SUN2: variants seen among roughly 807,000 people sequenced by gnomAD.
The protein encoded by SUN2 is Sad1 and UNC84 domain containing 2.
A neutral mutation model predicts 100.0 loss-of-function variants in SUN2; 60 were observed. That is an observed-to-expected ratio of 0.60 (90% CI 0.49 to 0.74). The LOEUF (loss-of-function observed/expected upper bound fraction) is 0.74. SUN2 is among the 30% of genes least tolerant of loss of function. SUN2 has a pLI of 0.00. For missense variants in SUN2, 834 were observed against 954.6 expected (o/e 0.87, Z 1.66); for synonymous variants, 367 against 403.3 (o/e 0.91, Z 1.08).
chr22:38,740,560 C>A lies in SUN2; in HGVS notation c.1191-128G>T. 9.4e-7 allele frequency: 1 copy of A among 1,068,196 alleles called. No homozygotes were observed. Among genetic ancestry groups the A allele is most frequent in the Non-Finnish European group, 1.3e-6 (1 of 775,902 alleles). The allele number at this position is 1,068,196 out of a possible 1,614,324, so 66.2% of individuals were successfully genotyped here. On this transcript the variant is annotated intron_variant, in intron 11 of 17. Coordinates refer to ENST00000689035, the MANE Select transcript of SUN2 (RefSeq NM_015374.3). This position sits in a 1 kb window ranked among gnomAD's most constrained non-coding sequence, Gnocchi z 4.8. ...CGGGTGCCCAGCACTCATTGTGAACCTGAGAAGGGGCAAGGCCTCTCCTGG... is the reference window on the plus strand; with the variant it reads ...CGGGTGCCCAGCACTCATTGTGAACATGAGAAGGGGCAAGGCCTCTCCTGG...
chr22:38,754,680 C>A, intron 1 of SUN2: 1 of 1,288,668 alleles, frequency 7.8e-7, no homozygotes. Flanking sequence ...CTCCTCTTAG[C>A]CTCTGTCCTG....
rs747859160 is a variant in SUN2 at position 38,752,482 on chromosome 22, C to T, written c.122+25G>A. 1.0e-5 allele frequency: 16 copies of T among 1,590,044 alleles called. No homozygotes were observed. The African/African-American group carries it at 1.2e-4, about 12-fold the overall frequency. On this transcript the variant is annotated intron_variant, in intron 2 of 17. Transcript: ENST00000689035. ...CAAAAGCTTGTGGGGCTGTCAGGGG[C>T]CGTGGCACTCCCTTGGGTCCCTACC...
chr22:38,755,822 G>A lies in SUN2; in HGVS notation c.-97C>T. The A allele has an allele frequency of 1.0e-6, 1 of 983,600 alleles. No homozygotes were observed. Among genetic ancestry groups the A allele is most frequent in the Non-Finnish European group, 1.2e-6 (1 of 829,264 alleles). 60.9% of individuals were successfully genotyped at this position (983,600 alleles called of 1,614,324 possible). A position where few individuals can be genotyped will look rare whatever the true frequency, so the allele number is the denominator to read the frequency against. ...CGTCCGAGGCCAGGCCGCCGCCGGG[G>A]CGCGCCCCCTTTCCGCGTGGGGATC... On this transcript the variant is annotated 5_prime_UTR_variant, in exon 1 of 18. Coordinates refer to ENST00000689035, the MANE Select transcript of SUN2 (RefSeq NM_015374.3). This position sits in a 1 kb window ranked among gnomAD's most constrained non-coding sequence, Gnocchi z 5.7.
In SUN2 at chr22:38,735,655, C is replaced by T. The variant is rs73417423; in HGVS notation, c.*612G>A. 6,473 of 169,340 alleles carry T rather than the reference C, an allele frequency of 0.038. 473 individuals are homozygous for T. Among genetic ancestry groups the T allele is most frequent in the African/African-American group, 0.15 (6,151 of 41,754 alleles). The allele number at this position is 169,340 out of a possible 1,614,324, so 10.5% of individuals were successfully genotyped here. A position where few individuals can be genotyped will look rare whatever the true frequency, so the allele number is the denominator to read the frequency against. ...CTTTAGGGCACAAGAAGCCCCATGGCCCACTGCTACCCTCCCCGGGACAAA... is the reference window on the plus strand; with the variant it reads ...CTTTAGGGCACAAGAAGCCCCATGGTCCACTGCTACCCTCCCCGGGACAAA... On this transcript the variant is annotated 3_prime_UTR_variant, in exon 18 of 18. Coordinates refer to ENST00000689035, the MANE Select transcript of SUN2 (RefSeq NM_015374.3).
At position 38,740,140 on chromosome 22, in the gene SUN2, C is replaced by T; in HGVS notation, c.1356+127G>A. On this transcript the variant is annotated intron_variant, in intron 12 of 17. Transcript: ENST00000689035. This position sits in a 1 kb window ranked among gnomAD's most constrained non-coding sequence, Gnocchi z 4.8. ...AGTGAGAGCCCACATGTGTCAAGGC[C>T]AACGCCACAGTCTCTTGGGCATAAC... is the stretch of plus-strand genomic sequence containing the variant. The T allele has an allele frequency of 3.0e-6, 4 of 1,333,992 alleles. No individual in the cohort carries two copies. The highest frequency in any genetic ancestry group is 4.0e-6 in the Non-Finnish European group (4 of 1,002,786). 82.6% of individuals were successfully genotyped at this position (1,333,992 alleles called of 1,614,324 possible). A position where few individuals can be genotyped will look rare whatever the true frequency, so the allele number is the denominator to read the frequency against.
At chr22:38,744,942 C>A in intron 8 of SUN2, 1 of 422,990 alleles carries the variant, frequency 2.4e-6, no homozygotes, top group Non-Finnish European at 4.9e-6. Context: ...GCCACCATCC[C>A]TCACTCCTCC....
intron 6 of SUN2, among the ~76,000 whole-genome samples, chr22:38,749,211 G>A (rs2092925527): frequency 6.6e-6 from 1 of 152,208 alleles, no homozygotes; most frequent in South Asian, 2.1e-4. Context: ...ACGGCCAGAG[G>A]GATCCTGACT....
rs1239976618 is a variant in SUN2, at chr22:38,740,450, AG to A, written c.1191-19del. 4 of 1,469,254 alleles carry A rather than the reference AG, an allele frequency of 2.7e-6. No individual in the cohort carries two copies. The South Asian group carries it at 5.5e-5, about 20-fold the overall frequency. The allele number at this position is 1,469,254 out of a possible 1,614,324, so 91.0% of individuals were successfully genotyped here. ...GGGTCATGCTGGTCCCAGAGAGAGA[AG>A]AGTAAGCCTCGGATCTCTTTGGTGG... is the stretch of plus-strand genomic sequence containing the variant. On this transcript the variant is annotated intron_variant, in intron 11 of 17. Coordinates refer to ENST00000689035, the MANE Select transcript of SUN2 (RefSeq NM_015374.3). The surrounding 1 kb of genome is among the most constrained non-coding windows in gnomAD (Gnocchi z 4.8).
At position 38,740,623 on chromosome 22, in the gene SUN2, C is replaced by G. The variant is rs2092848540; in HGVS notation, c.1191-191G>C. ...CAGAACCCCTGCCTGTCCCAAGGAG[C>G]TAATTCTGAGCCTGCTCCCTTTCTA... On this transcript the variant is annotated intron_variant, in intron 11 of 17. Coordinates refer to ENST00000689035, the MANE Select transcript of SUN2 (RefSeq NM_015374.3). This position sits in a 1 kb window ranked among gnomAD's most constrained non-coding sequence, Gnocchi z 4.8. The G allele has an allele frequency of 1.7e-6, 1 of 600,428 alleles. No homozygotes were observed. The highest frequency in any genetic ancestry group is 3.0e-5 in the East Asian group (1 of 33,872). The allele number at this position is 600,428 out of a possible 1,614,324, so 37.2% of individuals were successfully genotyped here.
At position 38,749,517 on chromosome 22, in the gene SUN2, GAAGA is replaced by G. The variant is rs1203216335; in HGVS notation, c.614+245_614+248del. ...GTGGCGTTTAGTAGAATGTGTCCAA[GAAGA>G]AATAATCTGTGCTCTGGAATCCTGC... On this transcript the variant is annotated intron_variant, in intron 6 of 17. Coordinates refer to ENST00000689035, the MANE Select transcript of SUN2 (RefSeq NM_015374.3). 2.0e-5 allele frequency among the ~76,000 whole-genome samples: 3 copies of G among 152,194 alleles called. No individual in the cohort carries two copies. In the East Asian group the frequency reaches 5.8e-4, roughly 29 times the overall value.
chr22:38,749,791 G>A lies in SUN2; in HGVS notation c.589C>T (p.Leu197Phe), dbSNP rs2092930185. The A allele has an allele frequency of 6.2e-7, 1 of 1,614,146 alleles. No individual in the cohort carries two copies. Among genetic ancestry groups the A allele is most frequent in the African/African-American group, 1.3e-5 (1 of 75,068 alleles). ...TWYRLTTAAS[L>F]LDVFVLTRRF... ...CTGGTTAAAACGAAGACGTCAAGGA[G>A]GGAGGCAGCTGTGGTCAGGCGGTAC... The change falls in exon 6 of 18, where the codon CTC becomes TTC. Residue 197 changes from leucine (L) to phenylalanine (F), a missense_variant. Leu to Phe is a conservative substitution (Grantham distance 22, BLOSUM62 0). Coordinates refer to ENST00000689035, the MANE Select transcript of SUN2 (RefSeq NM_015374.3).
In SUN2 at chr22:38,734,966, A is replaced by G. The variant is rs9835; in HGVS notation, c.*1301T>C. 0.38 allele frequency: 100,723 copies of G among 265,788 alleles called. 20,352 individuals are homozygous for G. Among genetic ancestry groups the G allele is most frequent in the African/African-American group, 0.53 (23,169 of 43,886 alleles). The allele number at this position is 265,788 out of a possible 1,614,324, so 16.5% of individuals were successfully genotyped here. A position where few individuals can be genotyped will look rare whatever the true frequency, so the allele number is the denominator to read the frequency against. The stretch of plus-strand genomic sequence containing the variant: ...GCCTTCTTGCCCCTTCCCCGCAGCC[A>G]GACCACCAGACACAGCCGGAACCAG... On this transcript the variant is annotated 3_prime_UTR_variant, in exon 18 of 18. Coordinates refer to ENST00000689035, the MANE Select transcript of SUN2 (RefSeq NM_015374.3).
chr22:38,736,305 T>G lies in SUN2; in HGVS notation c.2116A>C (p.Ile706Leu). ...TCCCCATGCACTCTGAAGCGGTAGA[T>G]GCAGGTGTACTCGGGGTGGCCCCAG... ...TNWGHPEYTC[I>L]YRFRVHGEPA... The change falls in exon 18 of 18, where the codon ATC (isoleucine) becomes CTC (leucine). Residue 706 changes from isoleucine (I) to leucine (L), a missense_variant. By Grantham distance (5) the Ile-to-Leu change is conservative (BLOSUM62 2). Around this residue, in one of 3 missense-constraint regions of SUN2, gnomAD observed 80 missense variants for 76.7 expected, o/e 1.04. Transcript: ENST00000689035. 4.3e-6 allele frequency: 7 copies of G among 1,614,014 alleles called. No individual in the cohort carries two copies. Among genetic ancestry groups the G allele is most frequent in the Non-Finnish European group, 5.9e-6 (7 of 1,179,928 alleles).
intron 9 of SUN2, 132 bp downstream of exon 9, chr22:38,742,163 AAAAAAG>A (rs1009310988): frequency 8.6e-7 from 1 of 1,158,180 alleles, no homozygotes; most frequent in African/African-American, 1.6e-5. Flanking sequence ...AAAAAAAAGA[AAAAAAG>A]AGAAAGGGAG....
chr22:38,739,777 G>A lies in SUN2; in HGVS notation c.1523C>T (p.Ala508Val), dbSNP rs770399092. The A allele has an allele frequency of 1.1e-5, 18 of 1,613,500 alleles. No individual in the cohort carries two copies. The highest frequency in any genetic ancestry group is 8.8e-5 in the South Asian group (8 of 91,092). ...EMQGKSAREA[A>V]ASLSLTLQKE... Reference sequence around the variant, plus strand: ...CTGCAGCGTCAGGCTCAGGGAGGCCGCGGCTTCCCTGGCCGACTTGCCCTG... The same window carrying A: ...CTGCAGCGTCAGGCTCAGGGAGGCCACGGCTTCCCTGGCCGACTTGCCCTG... The change falls in exon 13 of 18, where the codon GCG becomes GTG. Residue 508 changes from alanine to valine, a missense_variant. By Grantham distance (64) the Ala-to-Val change is moderately conservative (BLOSUM62 0). Coordinates refer to ENST00000689035, the MANE Select transcript of SUN2 (RefSeq NM_015374.3). The surrounding 1 kb of genome is among the most constrained non-coding windows in gnomAD (Gnocchi z 6.7).
At chr22:38,736,441 A>C in intron 17 of SUN2, 61 bp from the exon 18 acceptor site, 1 of 1,418,590 alleles carries the variant, frequency 7.0e-7, no homozygotes, top group Non-Finnish European at 9.6e-7. Flanking sequence ...CTGACAGAGA[A>C]GGTGGGAAGG....
intron 8 of SUN2, 164 bp from the exon 9 acceptor site, chr22:38,742,719 C>T (rs927375096): frequency 5.3e-5 from 46 of 872,444 alleles, no homozygotes; most frequent in Admixed American, 6.1e-5. Context: ...CAGGGGCTGC[C>T]GACCTCTGAG....
chr22:38,735,335 C>T lies in SUN2; in HGVS notation c.*932G>A. 1 of 429,972 alleles carries T rather than the reference C, an allele frequency of 2.3e-6. No homozygotes were observed. Among genetic ancestry groups the T allele is most frequent in the Non-Finnish European group, 4.6e-6 (1 of 216,852 alleles). The allele number at this position is 429,972 out of a possible 1,614,324, so 26.6% of individuals were successfully genotyped here. On this transcript the variant is annotated 3_prime_UTR_variant, in exon 18 of 18. Transcript: ENST00000689035. ...GGTTAGATGTGGGGGCCGGTGCAGA[C>T]AGACCTCGCACCCCGATACCCTGAA... is the stretch of plus-strand genomic sequence containing the variant.
At chr22:38,745,114 C>T (rs1411491524) in intron 8 of SUN2, 1 of 471,190 alleles carries the variant, frequency 2.1e-6, no homozygotes. Context: ...CCTCAAAGGT[C>T]TGGTTGCCTT....
Sources: gnomAD v4.1 joint callset for allele counts (sites outside exome capture counted in the v4.1 genomes callset) on GRCh38, gnomAD v4.1.1 for gene constraint, gnomAD v4.1.1 regional missense constraint, Gnocchi (gnomAD v3.1) non-coding constraint, MANE v1.5 for transcripts, NCBI Gene and HGNC (gene_info 2026-07-23, HGNC 2026-07-21) for gene names.